PTPRQ: variants seen among roughly 807,000 people sequenced by gnomAD.
PTPRQ encodes the protein phosphatidylinositol phosphatase PTPRQ.
Under a neutral mutation model 246.0 loss-of-function variants are expected in PTPRQ, and 199 were observed. The observed-to-expected ratio is 0.81, with a 90% CI of 0.72 to 0.91. The LOEUF is 0.91. Ranked by LOEUF, PTPRQ falls within the 40% of genes least tolerant of loss-of-function variation. The probability of loss-of-function intolerance (pLI) is 0.00; values close to 1 mark genes in which losing one functional copy is unlikely to be tolerated. For missense variants in PTPRQ, 2,624 were observed against 2,528.4 expected (o/e 1.04, Z -0.81); for synonymous variants, 869 against 853.2 (o/e 1.02, Z -0.32).
At chr12:80,620,438 T>C in intron 32 of PTPRQ, 62 bp downstream of exon 32, 1 of 1,535,576 alleles carries the variant, frequency 6.5e-7, no homozygotes, top group Non-Finnish European at 8.8e-7. Flanking sequence ...CTTTCATCCA[T>C]CCATCTGCCT....
intron 14 of PTPRQ, among the ~76,000 whole-genome samples, chr12:80,503,544 T>G (rs1039315351): frequency 5.9e-5 from 9 of 151,850 alleles, no homozygotes; most frequent in Non-Finnish European, 1.0e-4. Flanking sequence ...TAGTAATTTT[T>G]ATATGCATTC....
At chr12:80,537,116 C>CA (rs1226212551) in intron 19 of PTPRQ, among the ~76,000 whole-genome samples, 1 of 152,208 alleles carries the variant, frequency 6.6e-6, no homozygotes, top group East Asian at 1.9e-4. Flanking sequence ...TTAAGTGTGA[C>CA]AGCTGCAAGA....
At position 80,534,987 on chromosome 12, in the gene PTPRQ, A is replaced by G; in HGVS notation, c.2935A>G (p.Ile979Val). 1 of 1,548,982 alleles carries G rather than the reference A, an allele frequency of 6.5e-7. No homozygotes were observed. The highest frequency in any genetic ancestry group is 8.7e-7 in the Non-Finnish European group (1 of 1,146,056). ...WTPPSKPNGI[I>V]QYYSVYYRNT... is the part of the protein sequence containing the mutation. ...ACCTCCTTCAAAACCTAATGGGATT[A>G]TACAATATTACTCTGTTTATTACAG... The change falls in exon 19 of 45, where the codon ATA (isoleucine) becomes GTA (valine). Residue 979 changes from isoleucine to valine, a missense_variant. Coordinates refer to ENST00000644991, the MANE Select transcript of PTPRQ (RefSeq NM_001145026.2).
chr12:80,508,895 A>G (rs1407314003), intron 16 of PTPRQ, among the ~76,000 whole-genome samples: 1 of 152,090 alleles, frequency 6.6e-6, no homozygotes, highest in Non-Finnish European at 1.5e-5. Flanking sequence ...ATCTTAAAGC[A>G]TATTATAGAG....
At chr12:80,504,420 A>C (rs1894893353) in intron 14 of PTPRQ, among the ~76,000 whole-genome samples, 1 of 151,804 alleles carries the variant, frequency 6.6e-6, no homozygotes, top group African/African-American at 2.4e-5. Flanking sequence ...ATATTTTAAA[A>C]TATGTTTGAT....
intron 25 of PTPRQ, among the ~76,000 whole-genome samples, chr12:80,580,886 A>T (rs1289410728): frequency 1.3e-5 from 2 of 152,216 alleles, no homozygotes; most frequent in Non-Finnish European, 2.9e-5. Context: ...TAGCCAGGTT[A>T]CAAATAACTC....
intron 17 of PTPRQ, among the ~76,000 whole-genome samples, chr12:80,518,870 G>A (rs956381010): frequency 6.6e-6 from 1 of 152,028 alleles, no homozygotes; most frequent in Non-Finnish European, 1.5e-5. Flanking sequence ...TACTATTTTG[G>A]TTACTATAAC....
At chr12:80,636,518 C>G (rs1200221417) in intron 35 of PTPRQ, among the ~76,000 whole-genome samples, 1 of 152,188 alleles carries the variant, frequency 6.6e-6, no homozygotes, top group Non-Finnish European at 1.5e-5. Context: ...TGCACTCCAT[C>G]GTCAGTTCCT....
intron 25 of PTPRQ, among the ~76,000 whole-genome samples, chr12:80,569,671 G>A (rs1288886857): frequency 2.0e-5 from 3 of 151,500 alleles, no homozygotes; most frequent in Admixed American, 6.6e-5. Context: ...GCAAGCCATG[G>A]TGGTTTGCTG....
chr12:80,506,422 A>G, intron 15 of PTPRQ, 147 bp from the exon 16 acceptor site: 2 of 812,694 alleles, frequency 2.5e-6, no homozygotes, highest in Non-Finnish European at 3.7e-6. Context: ...GTCTTCATAA[A>G]TAAGAGCTAC....
intron 7 of PTPRQ, among the ~76,000 whole-genome samples, chr12:80,471,508 C>A (rs10862135): frequency 2.3e-4 from 3 of 13,110 alleles, no homozygotes; most frequent in Non-Finnish European, 5.1e-4. Context: ...GACAGAGTCT[C>A]GCTCTGTCGC....
At chr12:80,481,372 T>C (rs954115796) in intron 8 of PTPRQ, among the ~76,000 whole-genome samples, 2 of 152,174 alleles carry the variant, frequency 1.3e-5, no homozygotes, top group African/African-American at 2.4e-5. Flanking sequence ...ATGGGACGTA[T>C]TTCAAAATAA....
chr12:80,672,372 C>T (rs1900996930), intron 42 of PTPRQ, among the ~76,000 whole-genome samples: 1 of 151,284 alleles, frequency 6.6e-6, no homozygotes, highest in South Asian at 2.1e-4. Context: ...TTTCTTAGGT[C>T]AAATCATAGG....
At chr12:80,673,593 G>A (rs1052118727) in intron 43 of PTPRQ, among the ~76,000 whole-genome samples, 6 of 152,074 alleles carry the variant, frequency 3.9e-5, no homozygotes, top group African/African-American at 1.4e-4. Context: ...TTATCGTTTA[G>A]CAACTTTGGG....
intron 43 of PTPRQ, among the ~76,000 whole-genome samples, chr12:80,677,573 G>A (rs1901186807): frequency 6.6e-6 from 1 of 152,170 alleles, no homozygotes; most frequent in South Asian, 2.1e-4. Context: ...TCAGAATATA[G>A]CAGTGAATAT....
chr12:80,496,600 A>C, intron 14 of PTPRQ, 69 bp downstream of exon 14: 1 of 1,469,048 alleles, frequency 6.8e-7, no homozygotes, highest in Non-Finnish European at 9.0e-7. Context: ...GATAATCGCC[A>C]TGTTGTTTAC....
At chr12:80,672,887 C>A (rs1901015487) in intron 42 of PTPRQ, among the ~76,000 whole-genome samples, 1 of 152,006 alleles carries the variant, frequency 6.6e-6, no homozygotes, top group Admixed American at 6.6e-5. Context: ...CTCTATACTT[C>A]AACAACACAC....
At chr12:80,623,526 G>A (rs955490458) in intron 33 of PTPRQ, among the ~76,000 whole-genome samples, 1 of 152,092 alleles carries the variant, frequency 6.6e-6, no homozygotes, top group African/African-American at 2.4e-5. Flanking sequence ...TAAAATAAAT[G>A]TCTTCTTGTC....
At position 80,539,847 on chromosome 12, in the gene PTPRQ, A is replaced by G. The variant is rs1173305005; in HGVS notation, c.3057A>G (p.Thr1019=). 2 of 1,549,176 alleles carry G rather than the reference A, an allele frequency of 1.3e-6. No homozygotes were observed. The highest frequency in any genetic ancestry group is 1.4e-5 in the African/African-American group (1 of 73,096). The change falls in exon 20 of 45, where the codon ACA becomes ACG. Residue 1019 remains threonine, a synonymous_variant. Coordinates refer to ENST00000644991, the MANE Select transcript of PTPRQ (RefSeq NM_001145026.2). ...MTVSTIIDKL[T]IFSYYTFWLT... ...TATCCACAATTATAGATAAACTGACAATATTCAGCTACTATACATTTTGGT... is the reference window on the plus strand; with the variant it reads ...TATCCACAATTATAGATAAACTGACGATATTCAGCTACTATACATTTTGGT...
Sources: allele counts gnomAD v4.1 joint callset (sites outside exome capture counted in the v4.1 genomes callset), GRCh38; gene constraint gnomAD v4.1.1; transcripts MANE v1.5; gene names NCBI Gene and HGNC (gene_info 2026-07-23, HGNC 2026-07-21).